The following ATE1 variants were observed in gnomAD, a reference collection of about 807,000 sequenced individuals.
ATE1 encodes arginyltransferase 1.
Under a neutral mutation model 70.5 loss-of-function variants are expected in ATE1, and 36 were observed. The ratio of observed to expected loss-of-function variants is 0.51; its 90% confidence interval spans 0.39 to 0.67. ATE1 has a LOEUF of 0.67. Ranked by LOEUF, ATE1 falls within the 30% of genes least tolerant of loss-of-function variation. The pLI is 0.00. For synonymous variants in ATE1, 232 were observed against 219.3 expected, an observed-to-expected ratio of 1.06 and a Z score of -0.51; for missense variants, 593 against 629.5, an observed-to-expected ratio of 0.94 and a Z score of 0.62.
rs545893205 is a variant in ATE1 at position 121,892,045 on chromosome 10, A to AG, written c.942+7820dup. Reference sequence around the variant, plus strand: ...GACGTAGAAAACTGTAGTCATGTACAGGGGAAAAGTACATTTGAACTCCAC... The same window carrying AG: ...GACGTAGAAAACTGTAGTCATGTACAGGGGGAAAAGTACATTTGAACTCCAC... On this transcript the variant is annotated intron_variant, in intron 7 of 11. Coordinates refer to ENST00000224652, the MANE Select transcript of ATE1 (RefSeq NM_001001976.3). 5.0e-3 allele frequency among the ~76,000 whole-genome samples: 766 copies of AG among 152,298 alleles called. 3 individuals are homozygous for AG. Among genetic ancestry groups the AG allele is most frequent in the Non-Finnish European group, 7.8e-3 (528 of 68,020 alleles).
At chr10:121,842,933 CCT>C (rs770407112) in intron 8 of ATE1, among the ~76,000 whole-genome samples, 9 of 152,222 alleles carry the variant, frequency 5.9e-5, no homozygotes, top group East Asian at 5.8e-4. Context: ...GTAAGGATAT[CCT>C]CTCTCATCAC....
At chr10:121,897,185 G>A (rs1564939359) in intron 7 of ATE1, among the ~76,000 whole-genome samples, 1 of 152,304 alleles carries the variant, frequency 6.6e-6, no homozygotes, top group East Asian at 1.9e-4. Flanking sequence ...AATGCCTTTA[G>A]TGCTGCTCTA....
chr10:121,814,378 T>C (rs1407941204), intron 10 of ATE1, among the ~76,000 whole-genome samples: 1 of 152,178 alleles, frequency 6.6e-6, no homozygotes. Flanking sequence ...AGCAAAATGA[T>C]TCGCACACAA....
intron 3 of ATE1, among the ~76,000 whole-genome samples, chr10:121,914,913 T>G (rs1951584872): frequency 6.6e-6 from 1 of 152,032 alleles, no homozygotes; most frequent in Non-Finnish European, 1.5e-5. Flanking sequence ...CTAAAAATAC[T>G]AACATCAGGG....
chr10:121,910,830 G>A (rs1474353821), intron 5 of ATE1, 76 bp downstream of exon 5: 4 of 1,592,742 alleles, frequency 2.5e-6, no homozygotes, highest in Non-Finnish European at 3.4e-6. Context: ...TTGGCTGATG[G>A]AAAGACCCAG....
intron 1 of ATE1, 40 bp from the exon 2 acceptor site, chr10:121,924,369 C>CT: frequency 3.8e-6 from 6 of 1,574,010 alleles, no homozygotes; most frequent in Non-Finnish European, 5.2e-6. Context: ...GCAGGGTAAC[C>CT]TTTTTTCTTT....
intron 3 of ATE1, among the ~76,000 whole-genome samples, chr10:121,918,188 C>T (rs1353798525): frequency 6.6e-6 from 1 of 152,082 alleles, no homozygotes; most frequent in Non-Finnish European, 1.5e-5. Context: ...CAAAAATTAG[C>T]AGGGCATGGT....
chr10:121,864,198 G>A (rs370361461), intron 8 of ATE1, among the ~76,000 whole-genome samples: 13 of 152,308 alleles, frequency 8.5e-5, no homozygotes, highest in African/African-American at 2.6e-4. Context: ...GACTGGTTTC[G>A]TGGAAGACAA....
intron 7 of ATE1, among the ~76,000 whole-genome samples, chr10:121,890,443 A>G (rs1440143126): frequency 6.6e-6 from 1 of 152,222 alleles, no homozygotes; most frequent in East Asian, 1.9e-4. Flanking sequence ...CAAAAAAAAG[A>G]TAAAGCAAAG....
Position 121,902,507 on chromosome 10 carries a change from G to C in ATE1, c.697C>G (p.Gln233Glu). The C allele has an allele frequency of 6.2e-7, 1 of 1,614,152 alleles. No homozygotes were observed. The highest frequency in any genetic ancestry group is 1.1e-5 in the South Asian group (1 of 91,082). The part of the protein sequence containing the change: ...QNPAGELEGF[Q>E]AQGHPPSLFP... ...AAAGATGGTGGGTGACCTTGAGCCT[G>C]GAAACCCTCAAGTTCTCCAGCTGGG... is the stretch of plus-strand genomic sequence containing the variant. Residue 233 changes from glutamine (Q) to glutamate (E), a missense_variant, in exon 6 of 12, where the codon CAG becomes GAG. Transcript: ENST00000224652.
At chr10:121,905,512 C>T (rs1336042330) in intron 5 of ATE1, among the ~76,000 whole-genome samples, 2 of 152,176 alleles carry the variant, frequency 1.3e-5, no homozygotes, top group South Asian at 2.1e-4. Flanking sequence ...GATTGTTTTG[C>T]TCTACATTTA....
chr10:121,920,170 G>A (rs575464635), intron 3 of ATE1, among the ~76,000 whole-genome samples: 1 of 151,856 alleles, frequency 6.6e-6, no homozygotes, highest in African/African-American at 2.4e-5. Flanking sequence ...AAATGTTAAC[G>A]CACTTTTCAC....
At chr10:121,891,609 A>G (rs1020711449) in intron 7 of ATE1, among the ~76,000 whole-genome samples, 5 of 152,222 alleles carry the variant, frequency 3.3e-5, no homozygotes, top group Admixed American at 6.5e-5. Flanking sequence ...TTATTTCTTA[A>G]TGATGTCTGT....
intron 10 of ATE1, among the ~76,000 whole-genome samples, chr10:121,821,608 C>T (rs1480494451): frequency 6.6e-6 from 1 of 152,162 alleles, no homozygotes; most frequent in Non-Finnish European, 1.5e-5. Flanking sequence ...AGGCCAGGCC[C>T]GGTGGCTCAC....
At position 121,851,147 on chromosome 10, in the gene ATE1, G is replaced by T. The variant is rs117560315; in HGVS notation, c.976-9884C>A. Among the ~76,000 whole-genome samples, 463 of 148,828 alleles carry T rather than the reference G, an allele frequency of 3.1e-3. 18 individuals are homozygous for T. In the East Asian group the frequency reaches 0.064, roughly 20 times the overall value. ...AAGAATTTCAGTGTCCAGGCAGGGTGTGGTGGCTCACAGCTGTAATCTCTG... is the reference window on the plus strand; with the variant it reads ...AAGAATTTCAGTGTCCAGGCAGGGTTTGGTGGCTCACAGCTGTAATCTCTG... On this transcript the variant is annotated intron_variant, in intron 8 of 11. Transcript: ENST00000224652.
intron 7 of ATE1, among the ~76,000 whole-genome samples, chr10:121,887,603 G>A (rs1476302594): frequency 6.6e-6 from 1 of 152,150 alleles, no homozygotes; most frequent in East Asian, 1.9e-4. Flanking sequence ...CTACTTAGGA[G>A]GCTGAGGTGG....
chr10:121,916,841 A>AC (rs1184391161), intron 3 of ATE1, among the ~76,000 whole-genome samples: 2 of 147,674 alleles, frequency 1.4e-5, no homozygotes, highest in African/African-American at 2.4e-5. Flanking sequence ...TCTCAAACAA[A>AC]AAAAAAAAAT....
intron 11 of ATE1, among the ~76,000 whole-genome samples, chr10:121,788,665 C>T (rs988934703): frequency 2.0e-5 from 3 of 152,146 alleles, no homozygotes; most frequent in African/African-American, 7.2e-5. Context: ...CCAGACTTTC[C>T]ATTGATCTTT....
At chr10:121,852,032 A>G (rs1949074638) in intron 8 of ATE1, among the ~76,000 whole-genome samples, 1 of 152,204 alleles carries the variant, frequency 6.6e-6, no homozygotes, top group African/African-American at 2.4e-5. Flanking sequence ...CTCTTTACCC[A>G]CCTGCTTCTA....
Sources: gnomAD v4.1 joint callset for allele counts (sites outside exome capture counted in the v4.1 genomes callset) on GRCh38, gnomAD v4.1.1 for gene constraint, MANE v1.5 for transcripts, NCBI Gene and HGNC (gene_info 2026-07-23, HGNC 2026-07-21) for gene names.